FAM174A: variants seen among roughly 807,000 people sequenced by gnomAD.
FAM174A encodes the protein membrane protein FAM174A.
In FAM174A, 14 loss-of-function variants were observed where a neutral mutation model predicts 14.3. The observed-to-expected ratio is 0.98, with a 90% CI of 0.65 to 1.53. The LOEUF (loss-of-function observed/expected upper bound fraction) is 1.53, where lower values mean the gene tolerates loss of function less well. FAM174A is among the 40% of genes most tolerant of loss of function. The probability of loss-of-function intolerance (pLI) is 0.00; values close to 1 mark genes in which losing one functional copy is unlikely to be tolerated. For synonymous variants in FAM174A, 108 were observed against 111.4 expected (o/e 0.97, Z 0.19); for missense variants, 241 against 249.6 (o/e 0.97, Z 0.23).
At chr5:100,569,250 A>G (rs1392265065) in intron 2 of FAM174A, among the ~76,000 whole-genome samples, 1 of 151,714 alleles carries the variant, frequency 6.6e-6, no homozygotes, top group Non-Finnish European at 1.5e-5. Flanking sequence ...TGTATTTGAT[A>G]TTTTCTATAA....
chr5:100,536,638 C>A (rs1239755053), intron 1 of FAM174A, among the ~76,000 whole-genome samples: 1 of 152,084 alleles, frequency 6.6e-6, no homozygotes, highest in Non-Finnish European at 1.5e-5. Context: ...TTAGGAGAAG[C>A]CAGCAAAGAG....
intron 1 of FAM174A, among the ~76,000 whole-genome samples, chr5:100,537,181 G>A (rs1223455685): frequency 6.6e-6 from 1 of 152,110 alleles, no homozygotes; most frequent in Non-Finnish European, 1.5e-5. Flanking sequence ...GTGCGAAGAT[G>A]GAATTACTTT....
chr5:100,556,537 T>C (rs1448907484), intron 1 of FAM174A, among the ~76,000 whole-genome samples: 1 of 152,194 alleles, frequency 6.6e-6, no homozygotes, highest in Non-Finnish European at 1.5e-5. Flanking sequence ...TTAGGCAGTA[T>C]GGCCATTTTC....
At chr5:100,577,787 A>G (rs2112402433) in intron 2 of FAM174A, among the ~76,000 whole-genome samples, 1 of 152,120 alleles carries the variant, frequency 6.6e-6, no homozygotes, top group East Asian at 1.9e-4. Context: ...TTTTCTCTTA[A>G]AGGGAACTTT....
chr5:100,571,616 A>G (rs1168728990), intron 2 of FAM174A, among the ~76,000 whole-genome samples: 1 of 147,260 alleles, frequency 6.8e-6, no homozygotes, highest in East Asian at 2.0e-4. Flanking sequence ...TCTATATTCC[A>G]GTATATAAAT....
intron 1 of FAM174A, among the ~76,000 whole-genome samples, chr5:100,542,488 G>C (rs1245197594): frequency 1.3e-5 from 2 of 152,014 alleles, no homozygotes; most frequent in African/African-American, 4.8e-5. Context: ...GAGCTCAATT[G>C]ACCTTACATT....
intron 2 of FAM174A, among the ~76,000 whole-genome samples, chr5:100,580,775 CACAGCTGAGGG>C (rs1487315275): frequency 3.9e-5 from 6 of 152,184 alleles, no homozygotes; most frequent in African/African-American, 1.4e-4. Context: ...CTTTGCTGGC[CACAGCTGAGGG>C]ATAGCTTGTC....
At chr5:100,545,808 G>A (rs1746154270) in intron 1 of FAM174A, among the ~76,000 whole-genome samples, 1 of 151,804 alleles carries the variant, frequency 6.6e-6, no homozygotes, top group Non-Finnish European at 1.5e-5. Context: ...ATTAATATAT[G>A]TTACATGTTA....
rs548470155 is a variant in FAM174A, at chr5:100,566,798, A to G, written c.569+4610A>G. Among the ~76,000 whole-genome samples the G allele has an allele frequency of 3.9e-5, 6 of 152,014 alleles. No homozygotes were observed. In the South Asian group the frequency reaches 1.2e-3, roughly 31 times the overall value. On this transcript the variant is annotated intron_variant, in intron 2 of 2. Transcript: ENST00000312637. ...ATAAAAAGTTCATGAAACAGTTGTA[A>G]TCTATGCTAATCATCAATTCTATAG... is the stretch of plus-strand genomic sequence containing the variant.
chr5:100,586,039 T>C, intron 2 of FAM174A, 142 bp from the exon 3 acceptor site: 1 of 389,428 alleles, frequency 2.6e-6, no homozygotes, highest in Non-Finnish European at 4.8e-6. Context: ...GCATGTGTTA[T>C]TGGTGTTCTT....
chr5:100,576,151 C>A (rs247942), intron 2 of FAM174A, among the ~76,000 whole-genome samples: 30,592 of 151,978 alleles, frequency 0.2, 3,291 homozygotes, highest in African/African-American at 0.23. Context: ...TGTTATTGGT[C>A]ATTAAGATGT....
At chr5:100,577,514 G>C (rs1306307910) in intron 2 of FAM174A, among the ~76,000 whole-genome samples, 1 of 152,058 alleles carries the variant, frequency 6.6e-6, no homozygotes, top group East Asian at 1.9e-4. Context: ...ATCAGAATCA[G>C]ATTGCAGATT....
intron 2 of FAM174A, chr5:100,581,515 G>A (rs931583827): frequency 4.2e-5 from 13 of 311,598 alleles, no homozygotes; most frequent in Admixed American, 6.5e-5. Flanking sequence ...CACTTTGGGA[G>A]GCCAAGGTGG....
chr5:100,568,791 G>C (rs1002843163), intron 2 of FAM174A, among the ~76,000 whole-genome samples: 1 of 151,730 alleles, frequency 6.6e-6, no homozygotes, highest in African/African-American at 2.4e-5. Context: ...CCAGTACTAA[G>C]GATATATAGT....
intron 1 of FAM174A, among the ~76,000 whole-genome samples, chr5:100,559,702 CT>C (rs1236159258): frequency 1.3e-5 from 2 of 152,014 alleles, no homozygotes; most frequent in African/African-American, 4.8e-5. Context: ...TTCATTTGAT[CT>C]TCCATCACTG....
intron 2 of FAM174A, among the ~76,000 whole-genome samples, chr5:100,571,629 A>C (rs1232043337): frequency 6.8e-6 from 1 of 147,494 alleles, no homozygotes; most frequent in African/African-American, 2.5e-5. Context: ...ATATAAATAT[A>C]TATGTACTTC....
chr5:100,558,041 T>A (rs1407234009), intron 1 of FAM174A, among the ~76,000 whole-genome samples: 1 of 152,220 alleles, frequency 6.6e-6, no homozygotes, highest in Non-Finnish European at 1.5e-5. Context: ...GCGTGTCAAT[T>A]TTAGATCTTT....
At chr5:100,549,494 C>A (rs915134758) in intron 1 of FAM174A, among the ~76,000 whole-genome samples, 1 of 152,036 alleles carries the variant, frequency 6.6e-6, no homozygotes, top group Non-Finnish European at 1.5e-5. Context: ...AGGAGACAAA[C>A]ATAATCACAG....
At chr5:100,544,660 G>T (rs1245099576) in intron 1 of FAM174A, among the ~76,000 whole-genome samples, 1 of 152,106 alleles carries the variant, frequency 6.6e-6, no homozygotes, top group African/African-American at 2.4e-5. Context: ...ATATGCTTGT[G>T]CAGAGAAGTC....
Sources: allele counts gnomAD v4.1 joint callset (sites outside exome capture counted in the v4.1 genomes callset), GRCh38; gene constraint gnomAD v4.1.1; transcripts MANE v1.5; gene names NCBI Gene and HGNC (gene_info 2026-07-23, HGNC 2026-07-21).